RPH3AL: variants seen among roughly 807,000 people sequenced by gnomAD.
RPH3AL encodes the protein rabphilin 3A like (without C2 domains).
A neutral mutation model predicts 43.1 loss-of-function variants in RPH3AL; 38 were observed. The observed-to-expected ratio is 0.88, with a 90% confidence interval of 0.68 to 1.15. RPH3AL has a LOEUF of 1.15. RPH3AL is among the 50% of genes most tolerant of loss of function. RPH3AL has a pLI of 0.00. For synonymous variants in RPH3AL, 189 were observed against 176.3 expected (o/e 1.07, Z -0.57); for missense variants, 462 against 423.2 (o/e 1.09, Z -0.81).
chr17:294,161 G>A (rs905729195), intron 5 of RPH3AL, among the ~76,000 whole-genome samples: 4 of 152,274 alleles, frequency 2.6e-5, no homozygotes, highest in East Asian at 1.9e-4. Context: ...GTGGTGCCAG[G>A]TACGAGCCCA....
intron 6 of RPH3AL, among the ~76,000 whole-genome samples, chr17:279,868 T>A (rs2042736973): frequency 1.3e-5 from 2 of 152,220 alleles, no homozygotes; most frequent in East Asian, 1.9e-4. Flanking sequence ...TTATGGAATA[T>A]CTATGCTGGA....
rs144746108 is a variant in RPH3AL at position 253,686 on chromosome 17, T to A, written c.439-6401A>T. Among the ~76,000 whole-genome samples, 218 of 135,320 alleles carry A rather than the reference T, an allele frequency of 1.6e-3. 33 individuals carry two copies. Among genetic ancestry groups the A allele is most frequent in the African/African-American group, 5.4e-3 (181 of 33,372 alleles). The allele number at this position is 135,320 out of a possible 152,430, so 88.8% of individuals were successfully genotyped here. A position where few individuals can be genotyped will look rare whatever the true frequency, so the allele number is the denominator to read the frequency against. ...TCTGTCCCTAGGAACGTTACTACCC[T>A]ACGTACTTCCTATGAGGGGAGCCGC... is the stretch of plus-strand genomic sequence containing the variant. On this transcript the variant is annotated intron_variant, in intron 6 of 9. Transcript: ENST00000331302.
At chr17:306,487 T>C (rs77881364) in intron 5 of RPH3AL, 2,893 of 152,302 alleles carry the variant, frequency 0.019, 81 homozygotes, top group East Asian at 0.08. Flanking sequence ...GCTAATCAGC[T>C]GGGTGCTTGG....
At chr17:222,657 T>C (rs1325138425) in intron 7 of RPH3AL, among the ~76,000 whole-genome samples, 1 of 152,248 alleles carries the variant, frequency 6.6e-6, no homozygotes, top group Non-Finnish European at 1.5e-5. Context: ...AATCTTTTGA[T>C]GCCAGGCTTG....
At chr17:311,810 A>G (rs1367864384) in intron 5 of RPH3AL, among the ~76,000 whole-genome samples, 1 of 152,138 alleles carries the variant, frequency 6.6e-6, no homozygotes, top group Non-Finnish European at 1.5e-5. Flanking sequence ...TAGCTGTGGG[A>G]GCTCCAATTT....
rs1567615523 is a variant in RPH3AL, at chr17:286,967, CCTCTCTCCACCGTCAGACCTCACACCCT to C, written c.352-5141_352-5114del. 8.4e-3 allele frequency among the ~76,000 whole-genome samples: 196 copies of C among 23,362 alleles called. 9 individuals are homozygous for C. Among genetic ancestry groups the C allele is most frequent in the African/African-American group, 0.021 (180 of 8,592 alleles). The allele number at this position is 23,362 out of a possible 152,430, so 15.3% of individuals were successfully genotyped here. A position where few individuals can be genotyped will look rare whatever the true frequency, so the allele number is the denominator to read the frequency against. ...CTCTCTCCACCGTCAGACCTCGCAC[CCTCTCTCCACCGTCAGACCTCACACCCT>C]CTCTCCACCGTCAGACCTCACACCC... On this transcript the variant is annotated intron_variant, in intron 5 of 9. Transcript: ENST00000331302.
intron 1 of RPH3AL, among the ~76,000 whole-genome samples, chr17:350,338 G>A (rs556759884): frequency 2.6e-5 from 4 of 152,264 alleles, no homozygotes; most frequent in African/African-American, 7.2e-5. Flanking sequence ...TTATCTGGAC[G>A]TGGTGGCACG....
chr17:213,555 GAC>G lies in RPH3AL; in HGVS notation c.*295_*296del, dbSNP rs1462280186. 5.9e-6 allele frequency: 3 copies of G among 510,416 alleles called. No individual in the cohort carries two copies. Among genetic ancestry groups the G allele is most frequent in the Non-Finnish European group, 1.1e-5 (3 of 281,370 alleles). The allele number at this position is 510,416 out of a possible 1,614,324, so 31.6% of individuals were successfully genotyped here. A position where few individuals can be genotyped will look rare whatever the true frequency, so the allele number is the denominator to read the frequency against. On this transcript the variant is annotated 3_prime_UTR_variant, in exon 10 of 10. Transcript: ENST00000331302. Reference sequence around the variant, plus strand: ...TGGGAAACCCCCCAGCCCAACCCAAGACACGCGCAAACTTAAAATCATCACCA... The same window carrying G: ...TGGGAAACCCCCCAGCCCAACCCAAGACGCGCAAACTTAAAATCATCACCA...
At chr17:217,296 C>T (rs878903325) in intron 8 of RPH3AL, among the ~76,000 whole-genome samples, 187 of 114,036 alleles carry the variant, frequency 1.6e-3, no homozygotes, top group African/African-American at 3.9e-3. Flanking sequence ...AATCAGGACC[C>T]CCAAGGCATT....
At chr17:348,093 TAAAA>T (rs71145709) in intron 1 of RPH3AL, among the ~76,000 whole-genome samples, 64 of 142,372 alleles carry the variant, frequency 4.5e-4, no homozygotes, top group African/African-American at 6.0e-4. Flanking sequence ...AAGGAGCAGT[TAAAA>T]AAAAAAAAAA....
In RPH3AL at chr17:286,073, T is replaced by TG. The variant is rs907201205; in HGVS notation, c.352-4220dup. ...GCTGGGGGGGTGCTCGGCTGCCCTGTGGGGGGGTTTGAGGGACAAATGTGC... is the reference window on the plus strand; with the variant it reads ...GCTGGGGGGGTGCTCGGCTGCCCTGTGGGGGGGGTTTGAGGGACAAATGTGC... On this transcript the variant is annotated intron_variant, in intron 5 of 9. Transcript: ENST00000331302. Among the ~76,000 whole-genome samples, 7 of 151,976 alleles carry TG rather than the reference T, an allele frequency of 4.6e-5. No homozygotes were observed. The South Asian group carries it at 6.3e-4, about 14-fold the overall frequency.
In RPH3AL at chr17:347,630, T is replaced by C. The variant is rs372189997; in HGVS notation, c.-213+5082A>G. ...CTTTGGAAGGTAGTTTGTTACAAAG[T>C]TGACTATACTCTTACCAAAGGATCC... On this transcript the variant is annotated intron_variant, in intron 1 of 9. Transcript: ENST00000331302. Among the ~76,000 whole-genome samples the C allele has an allele frequency of 3.9e-5, 6 of 152,070 alleles. No homozygotes were observed. The East Asian group carries it at 1.2e-3, about 29-fold the overall frequency.
rs536619950 is a variant in RPH3AL, at chr17:281,226, G to A, written c.438+542C>T. On this transcript the variant is annotated intron_variant, in intron 6 of 9. Transcript: ENST00000331302. ...GGGTGGCATCGTGACAGCAGACAAC[G>A]GCTGAGTTTGGTTTCCAGCTCCCCC... 5.3e-5 allele frequency among the ~76,000 whole-genome samples: 8 copies of A among 152,244 alleles called. No homozygotes were observed. The South Asian group carries it at 6.2e-4, about 12-fold the overall frequency.
chr17:321,469 C>T, intron 3 of RPH3AL, 54 bp from the exon 4 acceptor site: 1 of 1,485,866 alleles, frequency 6.7e-7, no homozygotes, highest in Non-Finnish European at 8.9e-7. Context: ...CAAACTCCGG[C>T]AGCCCCTACC....
chr17:325,977 G>A (rs997658721), intron 3 of RPH3AL, among the ~76,000 whole-genome samples: 5 of 152,352 alleles, frequency 3.3e-5, no homozygotes, highest in Middle Eastern at 3.4e-3. Context: ...AAGGGGCTAC[G>A]ACAGCATTTG....
rs1469498029 is a variant in RPH3AL, at chr17:269,726, A to G, written c.438+12042T>C. Among the ~76,000 whole-genome samples the G allele has an allele frequency of 3.3e-5, 5 of 152,332 alleles. No individual in the cohort carries two copies. In the East Asian group the frequency reaches 9.6e-4, roughly 29 times the overall value. ...AGTGGGCACTCAGCTCACATCTGCTATGAACGATGGGAGTCCTTCGGTGTG... is the reference window on the plus strand; with the variant it reads ...AGTGGGCACTCAGCTCACATCTGCTGTGAACGATGGGAGTCCTTCGGTGTG... On this transcript the variant is annotated intron_variant, in intron 6 of 9. Coordinates refer to ENST00000331302, the MANE Select transcript of RPH3AL (RefSeq NM_006987.4).
intron 5 of RPH3AL, among the ~76,000 whole-genome samples, chr17:298,942 G>T (rs1435391345): frequency 6.6e-6 from 1 of 152,034 alleles, no homozygotes; most frequent in Non-Finnish European, 1.5e-5. Context: ...CCCAGCTGGG[G>T]ATTTCACTCA....
At chr17:351,515 C>T (rs1273831601) in intron 1 of RPH3AL, among the ~76,000 whole-genome samples, 2 of 151,996 alleles carry the variant, frequency 1.3e-5, no homozygotes, top group Non-Finnish European at 2.9e-5. Context: ...AAGTACAGAC[C>T]CACCTCCCAT....
chr17:268,553 G>GCT (rs374509971), intron 6 of RPH3AL, among the ~76,000 whole-genome samples: 1 of 74,518 alleles, frequency 1.3e-5, no homozygotes, highest in East Asian at 4.8e-4. Context: ...ATGTTTTTGG[G>GCT]TTTTTTTTTT....
Sources: allele counts gnomAD v4.1 joint callset (sites outside exome capture counted in the v4.1 genomes callset), GRCh38; gene constraint gnomAD v4.1.1; transcripts MANE v1.5; gene names NCBI Gene and HGNC (gene_info 2026-07-23, HGNC 2026-07-21).